Variants in PTPN22 observed in about 807,000 individuals in gnomAD.
PTPN22 encodes the protein protein tyrosine phosphatase non-receptor type 22, also known as tyrosine-protein phosphatase non-receptor type 22.
PTPN22 carries 85 observed loss-of-function variants against 103.3 expected under a neutral mutation model. That is an observed-to-expected ratio of 0.82 (90% CI 0.69 to 0.99). The LOEUF (loss-of-function observed/expected upper bound fraction) is 0.99, where lower values mean the gene tolerates loss of function less well. PTPN22 is among the 50% of genes least tolerant of loss of function. The pLI is 0.00. For missense variants in PTPN22, 865 were observed against 936.9 expected, an observed-to-expected ratio of 0.92 and a Z score of 1.00; for synonymous variants, 323 against 310.2, an observed-to-expected ratio of 1.04 and a Z score of -0.43.
intron 20 of PTPN22, among the ~76,000 whole-genome samples, chr1:113,816,817 G>A (rs1661190421): frequency 6.6e-6 from 1 of 152,096 alleles, no homozygotes. Flanking sequence ...GCTGAGGCAG[G>A]AGAATCGCTT....
At chr1:113,829,677 G>T in exon 18 of PTPN22, 1 of 1,601,500 alleles carries the variant, frequency 6.2e-7, no homozygotes, top group Non-Finnish European at 8.5e-7. Flanking sequence ...ATAGCTAGTA[G>T]AATATGTTTC....
chr1:113,854,995 G>A lies in PTPN22; in HGVS notation c.595C>T (p.Pro199Ser). ...TCAAGAATAGGGTCTATAGATGAAGGTACATCATGGTCTGGCCAATTCTTG... is the reference window on the plus strand; with the variant it reads ...TCAAGAATAGGGTCTATAGATGAAGATACATCATGGTCTGGCCAATTCTTG... The change falls in exon 8 of 21, where the codon CCT (proline) becomes TCT (serine). Residue 199 changes from proline (P) to serine (S), a missense_variant. Coordinates refer to ENST00000359785, the Ensembl canonical transcript of PTPN22. The A allele has an allele frequency of 6.2e-7, 1 of 1,607,498 alleles. No homozygotes were observed. Among genetic ancestry groups the A allele is most frequent in the Admixed American group, 1.7e-5 (1 of 60,014 alleles).
chr1:113,853,026 T>A (rs772744112), intron 9 of PTPN22, among the ~76,000 whole-genome samples: 2 of 151,930 alleles, frequency 1.3e-5, no homozygotes, highest in African/African-American at 2.4e-5. Flanking sequence ...GCAGCCTCTG[T>A]CTCCCGGGTT....
At chr1:113,859,184 G>GTGAAAGAA in intron 2 of PTPN22, 106 bp from the exon 3 acceptor site, 1 of 1,555,736 alleles carries the variant, frequency 6.4e-7, no homozygotes, top group Non-Finnish European at 8.7e-7. Flanking sequence ...GAACAAGTGA[G>GTGAAAGAA]TGAATGAATG....
At chr1:113,835,189 G>A (rs1037376367) in intron 13 of PTPN22, among the ~76,000 whole-genome samples, 196 bp from the exon 14 acceptor site, 3 of 152,262 alleles carry the variant, frequency 2.0e-5, no homozygotes, top group South Asian at 2.1e-4. Context: ...AACCCAGGAG[G>A]TTTTTGCTTA....
At chr1:113,849,595 T>TA (rs1491109182) in intron 10 of PTPN22, among the ~76,000 whole-genome samples, 15 of 71,444 alleles carry the variant, frequency 2.1e-4, no homozygotes, top group Non-Finnish European at 8.8e-5. Context: ...TATTTATTTA[T>TA]TTTTTTTTTT....
chr1:113,858,337 A>G, intron 4 of PTPN22, 141 bp downstream of exon 4: 1 of 599,194 alleles, frequency 1.7e-6, no homozygotes, highest in South Asian at 2.2e-5. Context: ...CTGGCTGAGA[A>G]CTTTCATTTC....
intron 14 of PTPN22, among the ~76,000 whole-genome samples, 184 bp from the exon 15 acceptor site, chr1:113,834,623 A>G (rs1208007360): frequency 1.3e-5 from 2 of 152,200 alleles, no homozygotes; most frequent in African/African-American, 4.8e-5. Flanking sequence ...CAGTGGCACA[A>G]TCATGGCTTA....
At chr1:113,826,428 G>GGGAAGGGAAT (rs1662071459) in intron 18 of PTPN22, among the ~76,000 whole-genome samples, 1 of 151,072 alleles carries the variant, frequency 6.6e-6, no homozygotes, top group South Asian at 2.1e-4. Context: ...GGGAAGGGAA[G>GGGAAGGGAAT]GGAAGGGAAG....
chr1:113,820,198 A>T (rs1661473823), intron 19 of PTPN22, among the ~76,000 whole-genome samples: 2 of 152,180 alleles, frequency 1.3e-5, no homozygotes, highest in Non-Finnish European at 2.9e-5. Context: ...TCACGCCTGT[A>T]ATCCCAGTAC....
At chr1:113,837,471 G>C (rs915872654) in intron 13 of PTPN22, 119 bp downstream of exon 13, 1 of 732,832 alleles carries the variant, frequency 1.4e-6, no homozygotes, top group African/African-American at 1.9e-5. Context: ...AGAAAAAAAA[G>C]AGAAAAAAGA....
At chr1:113,838,184 C>G (rs776187391) in exon 13 of PTPN22, 11 of 1,614,090 alleles carry the variant, frequency 6.8e-6, no homozygotes, top group Non-Finnish European at 9.3e-6. Context: ...AGAGGCTCCC[C>G]AACTATTGGA....
At chr1:113,864,187 T>G in intron 1 of PTPN22, 2 of 432,458 alleles carry the variant, frequency 4.6e-6, no homozygotes, top group South Asian at 1.6e-5. Context: ...ATGGTGCTAA[T>G]AAGAACTTAC....
intron 15 of PTPN22, among the ~76,000 whole-genome samples, chr1:113,833,420 G>T (rs1281439471): frequency 6.6e-6 from 1 of 152,120 alleles, no homozygotes; most frequent in African/African-American, 2.4e-5. Flanking sequence ...TTTAATTAGA[G>T]GTAAGTTGCG....
At chr1:113,858,883 T>G (rs1351270781) in intron 3 of PTPN22, 119 bp downstream of exon 3, 2 of 1,451,644 alleles carry the variant, frequency 1.4e-6, no homozygotes, top group African/African-American at 2.9e-5. Context: ...AAGTGATCTT[T>G]CCGCCTCAGC....
At chr1:113,859,488 T>A in intron 1 of PTPN22, 28 bp from the exon 2 acceptor site, 2 of 1,554,054 alleles carry the variant, frequency 1.3e-6, no homozygotes, top group Non-Finnish European at 8.9e-7. Flanking sequence ...GAAAAATTAA[T>A]CTTCCTAGAG....
intron 11 of PTPN22, among the ~76,000 whole-genome samples, chr1:113,842,364 T>C (rs1663625790): frequency 6.6e-6 from 1 of 152,094 alleles, no homozygotes; most frequent in Non-Finnish European, 1.5e-5. Context: ...CACACCTAAT[T>C]AGGATGGCTG....
At chr1:113,838,902 A>T (rs1663266586) in intron 11 of PTPN22, among the ~76,000 whole-genome samples, 1 of 152,154 alleles carries the variant, frequency 6.6e-6, no homozygotes, top group Non-Finnish European at 1.5e-5. Context: ...TTTGGTGGGT[A>T]ACTTTAGTCT....
chr1:113,863,987 C>T (rs1431118878), intron 1 of PTPN22, among the ~76,000 whole-genome samples: 3 of 150,174 alleles, frequency 2.0e-5, no homozygotes, highest in Admixed American at 6.6e-5. Flanking sequence ...GGCGCGATCT[C>T]GGCTCACTGC....
Sources: gnomAD v4.1 joint callset for allele counts (sites outside exome capture counted in the v4.1 genomes callset) on GRCh38, gnomAD v4.1.1 for gene constraint, MANE v1.5 for transcripts, NCBI Gene and HGNC (gene_info 2026-07-23, HGNC 2026-07-21) for gene names.